TLN2: variants seen among roughly 807,000 people sequenced by gnomAD.
The protein encoded by TLN2 is talin-2.
A neutral mutation model predicts 294.7 loss-of-function variants in TLN2; 118 were observed. The observed-to-expected ratio is 0.40, with a 90% CI of 0.34 to 0.47. TLN2 has a LOEUF of 0.47. Ranked by LOEUF, TLN2 falls within the 20% of genes least tolerant of loss-of-function variation. TLN2 has a pLI of 0.84. For missense variants in TLN2, 3,083 were observed against 3,282.2 expected, an observed-to-expected ratio of 0.94 and a Z score of 1.48; for synonymous variants, 1,431 against 1,304.5, an observed-to-expected ratio of 1.10 and a Z score of -2.09.
At chr15:62,539,018 G>A (rs932362455) in intron 1 of TLN2, among the ~76,000 whole-genome samples, 4 of 152,180 alleles carry the variant, frequency 2.6e-5, no homozygotes, top group Non-Finnish European at 4.4e-5. Flanking sequence ...AGATTCAGTT[G>A]TGATTTGCAA....
intron 15 of TLN2, among the ~76,000 whole-genome samples, 186 bp from the exon 16 acceptor site, chr15:62,698,568 A>G (rs1253522508): frequency 1.3e-5 from 2 of 152,184 alleles, no homozygotes; most frequent in Non-Finnish European, 1.5e-5. Flanking sequence ...TTTGTGTTCT[A>G]TTAATATAAT....
chr15:62,740,058 T>C (rs1339953770), intron 31 of TLN2, among the ~76,000 whole-genome samples: 3 of 151,404 alleles, frequency 2.0e-5, no homozygotes, highest in Admixed American at 1.3e-4. Context: ...TTTTTTTTTT[T>C]TTTTCTGCGC....
rs554579465 is a variant in TLN2, at chr15:62,632,166, C to T, written c.-37+13691C>T. The stretch of plus-strand genomic sequence containing the variant: ...GCAGTCAATGATAATAAGTAGTTAA[C>T]GGAGTACATAGTCTCATTCTGGGGA... On this transcript the variant is annotated intron_variant, in intron 3 of 58. Transcript: ENST00000636159. Among the ~76,000 whole-genome samples, 12 of 152,352 alleles carry T rather than the reference C, an allele frequency of 7.9e-5. No individual in the cohort carries two copies. In the South Asian group the frequency reaches 2.3e-3, roughly 29 times the overall value.
chr15:62,727,044 T>C, intron 27 of TLN2, 43 bp from the exon 28 acceptor site: 1 of 1,594,290 alleles, frequency 6.3e-7, no homozygotes, highest in Non-Finnish European at 8.6e-7. Context: ...CAGCAGATGT[T>C]CCTTTTCTTC....
At chr15:62,487,771 C>T (rs2038485134) in intron 1 of TLN2, among the ~76,000 whole-genome samples, 2 of 152,082 alleles carry the variant, frequency 1.3e-5, no homozygotes, top group South Asian at 4.2e-4. Flanking sequence ...GGCATGGTGG[C>T]AGGCGCCTGT....
At chr15:62,412,259 A>G (rs965719646) in intron 1 of TLN2, among the ~76,000 whole-genome samples, 2 of 152,178 alleles carry the variant, frequency 1.3e-5, no homozygotes, top group African/African-American at 4.8e-5. Context: ...TGCCTAGAGG[A>G]CTGGGACACC....
intron 2 of TLN2, among the ~76,000 whole-genome samples, chr15:62,599,249 G>A (rs541201889): frequency 8.3e-4 from 126 of 152,328 alleles, no homozygotes; most frequent in Non-Finnish European, 1.6e-3. Context: ...AGTCTAAAGG[G>A]ATAGAGGGGA....
Position 62,673,822 on chromosome 15 carries a change from C to G in TLN2, c.789-5C>G, listed in dbSNP as rs375350031. 2.5e-6 allele frequency: 4 copies of G among 1,611,726 alleles called. No individual in the cohort carries two copies. In the African/African-American group the frequency reaches 4.0e-5, roughly 16 times the overall value. ...GCCTTTCCTTTTTAAATGTCTCTCT[C>G]TTAGTCTGAAGGAATTCCTGCCCAA... is the stretch of plus-strand genomic sequence containing the variant. On this transcript the variant is annotated splice_region_variant and splice_polypyrimidine_tract_variant and intron_variant, in intron 9 of 58. Coordinates refer to ENST00000636159, the MANE Select transcript of TLN2 (RefSeq NM_015059.3).
Position 62,802,831 on chromosome 15 carries a change from T to C in TLN2, c.6477+2062T>C, listed in dbSNP as rs1025950727. 2.6e-5 allele frequency among the ~76,000 whole-genome samples: 4 copies of C among 152,258 alleles called. No individual in the cohort carries two copies. In the South Asian group the frequency reaches 8.3e-4, roughly 32 times the overall value. ...TTTGCATTTCTCTGATGATGAATGATGTTGAGCACCCTTTCATATGCCTGT... is the reference window on the plus strand; with the variant it reads ...TTTGCATTTCTCTGATGATGAATGACGTTGAGCACCCTTTCATATGCCTGT... On this transcript the variant is annotated intron_variant, in intron 50 of 58. Transcript: ENST00000636159.
chr15:62,474,513 A>T (rs2037676546), intron 1 of TLN2, among the ~76,000 whole-genome samples: 1 of 152,058 alleles, frequency 6.6e-6, no homozygotes, highest in African/African-American at 2.4e-5. Context: ...GTGGCAGTGC[A>T]TGCCTGTAGT....
chr15:62,423,663 A>C (rs569004415), intron 1 of TLN2, among the ~76,000 whole-genome samples: 2 of 151,548 alleles, frequency 1.3e-5, no homozygotes, highest in African/African-American at 4.8e-5. Flanking sequence ...TCACTGCAAT[A>C]TCCGTCTCCT....
At chr15:62,501,791 T>C (rs1268526432) in intron 1 of TLN2, among the ~76,000 whole-genome samples, 2 of 152,222 alleles carry the variant, frequency 1.3e-5, no homozygotes, top group African/African-American at 4.8e-5. Flanking sequence ...CACTGGGCTT[T>C]TCATGTTTTT....
At chr15:62,686,557 G>C in intron 11 of TLN2, 84 bp from the exon 12 acceptor site, 2 of 1,497,670 alleles carry the variant, frequency 1.3e-6, no homozygotes, top group Non-Finnish European at 1.8e-6. Context: ...GTATGCAGGT[G>C]AAAGGTCAAA....
At chr15:62,688,105 T>G (rs1373494151) in intron 12 of TLN2, among the ~76,000 whole-genome samples, 1 of 152,240 alleles carries the variant, frequency 6.6e-6, no homozygotes, top group African/African-American at 2.4e-5. Context: ...ACTATTGGTC[T>G]TTTTAAACTA....
intron 28 of TLN2, among the ~76,000 whole-genome samples, chr15:62,735,314 G>T (rs1826448842): frequency 1.3e-5 from 2 of 152,166 alleles, no homozygotes; most frequent in African/African-American, 4.8e-5. Context: ...TGTGTGCCAG[G>T]TAGTAAGACT....
chr15:62,492,647 T>G (rs1003863838), intron 1 of TLN2, among the ~76,000 whole-genome samples: 3 of 152,134 alleles, frequency 2.0e-5, no homozygotes, highest in African/African-American at 7.2e-5. Context: ...TATGTCAGTT[T>G]CCTTTTGTGA....
At chr15:62,428,987 G>A (rs1466087804) in intron 1 of TLN2, among the ~76,000 whole-genome samples, 1 of 152,080 alleles carries the variant, frequency 6.6e-6, no homozygotes, top group Non-Finnish European at 1.5e-5. Flanking sequence ...GGGACCTGGG[G>A]CCCTATTGAA....
At chr15:62,758,238 A>G (rs912765258) in intron 37 of TLN2, among the ~76,000 whole-genome samples, 3 of 152,094 alleles carry the variant, frequency 2.0e-5, no homozygotes, top group Non-Finnish European at 4.4e-5. Flanking sequence ...GGCATCAGTC[A>G]CTACTGATGG....
intron 1 of TLN2, among the ~76,000 whole-genome samples, chr15:62,550,811 C>A (rs879601166): frequency 6.6e-6 from 1 of 152,130 alleles, no homozygotes; most frequent in Admixed American, 6.5e-5. Context: ...ACTAGAGGTC[C>A]CCAACCTTTT....
Sources: gnomAD v4.1 joint callset for allele counts (sites outside exome capture counted in the v4.1 genomes callset) on GRCh38, gnomAD v4.1.1 for gene constraint, MANE v1.5 for transcripts, NCBI Gene and HGNC (gene_info 2026-07-23, HGNC 2026-07-21) for gene names.